The following LGALS8 variants were observed in gnomAD, a reference collection of about 807,000 sequenced individuals.
LGALS8 encodes galectin-8.
In LGALS8, 30 loss-of-function variants were observed where a neutral mutation model predicts 35.9. The ratio of observed to expected loss-of-function variants is 0.83; its 90% CI spans 0.62 to 1.13. The LOEUF is 1.13. Ranked by LOEUF, LGALS8 falls within the 50% of genes most tolerant of loss-of-function variation. The pLI, the probability that LGALS8 is intolerant of heterozygous loss-of-function variation, is 0.00. For synonymous variants in LGALS8, 138 were observed against 136.1 expected, an observed-to-expected ratio of 1.01 and a Z score of -0.10; for missense variants, 366 against 388.7, an observed-to-expected ratio of 0.94 and a Z score of 0.49.
At chr1:236,542,481 T>A in intron 6 of LGALS8, 2 of 490,962 alleles carry the variant, frequency 4.1e-6, no homozygotes, top group Non-Finnish European at 7.3e-6. Context: ...CCCTGTCTCT[T>A]AAAAAAATTT....
chr1:236,538,169 TTA>T (rs999464494), intron 3 of LGALS8, among the ~76,000 whole-genome samples: 3 of 151,516 alleles, frequency 2.0e-5, no homozygotes, highest in African/African-American at 7.3e-5. Context: ...CAGTCTAGTT[TTA>T]GTCTGACATT....
chr1:236,540,528 G>A (rs771881719), intron 4 of LGALS8, 36 bp from the exon 5 acceptor site: 19 of 1,437,748 alleles, frequency 1.3e-5, no homozygotes, highest in Non-Finnish European at 1.7e-5. Flanking sequence ...TTTTTTTTTG[G>A]TGGCGGGGGG....
At position 236,549,223 on chromosome 1, in the gene LGALS8, T is replaced by C; in HGVS notation, c.*1062T>C. 2.6e-6 allele frequency: 1 copy of C among 377,768 alleles called. No homozygotes were observed. Among genetic ancestry groups the C allele is most frequent in the East Asian group, 3.7e-5 (1 of 26,676 alleles). The allele number at this position is 377,768 out of a possible 1,614,324, so 23.4% of individuals were successfully genotyped here. On this transcript the variant is annotated 3_prime_UTR_variant, in exon 10 of 10. Transcript: ENST00000366584. ...TCATTAGCAACTGAGATCAAAGCAC[T>C]CTTCCACTTTACGTGATTAAAATCA...
chr1:236,548,065 CAGCCTGGAGTACAAACACAGATTT>C lies in LGALS8; in HGVS notation c.860_883del (p.Ser287_Phe294del). The C allele has an allele frequency of 6.2e-7, 1 of 1,613,354 alleles. No individual in the cohort carries two copies. The highest frequency in any genetic ancestry group is 8.5e-7 in the Non-Finnish European group (1 of 1,179,290). ...TCAAGGTTGCAGTAAATGGCGTACA[CAGCCTGGAGTACAAACACAGATTT>C]AAAGAGCTCAGCAGTATTGACACGC... On this transcript the variant is annotated inframe_deletion, in exon 10 of 10. Coordinates refer to ENST00000366584, the MANE Select transcript of LGALS8 (RefSeq NM_201544.4).
intron 2 of LGALS8, among the ~76,000 whole-genome samples, chr1:236,533,938 G>GCAGCTCCCTCTGACCCTGGATA: frequency 6.6e-6 from 1 of 150,528 alleles, no homozygotes; most frequent in Non-Finnish European, 1.5e-5. Context: ...GACCCTGGAT[G>GCAGCTCCCTCTGACCCTGGATA]CAGCTCCCTC....
intron 1 of LGALS8, among the ~76,000 whole-genome samples, chr1:236,525,265 G>A (rs1049262629): frequency 1.3e-5 from 2 of 151,988 alleles, no homozygotes; most frequent in African/African-American, 4.8e-5. Flanking sequence ...TTACTCTTTC[G>A]CTGTTTTATT....
chr1:236,538,352 C>T (rs960931653), intron 3 of LGALS8, among the ~76,000 whole-genome samples: 1 of 152,206 alleles, frequency 6.6e-6, no homozygotes, highest in Non-Finnish European at 1.5e-5. Flanking sequence ...TTTCAGTTAA[C>T]TCCTTCAAGT....
In LGALS8 at chr1:236,552,848, T is replaced by C. The variant is rs1662815649; in HGVS notation, c.*4687T>C. 1 of 152,232 alleles carries C rather than the reference T, an allele frequency of 6.6e-6. No individual in the cohort carries two copies. The highest frequency in any genetic ancestry group is 6.5e-5 in the Admixed American group (1 of 15,282). The allele number at this position is 152,232 out of a possible 1,614,324, so 9.4% of individuals were successfully genotyped here. ...CAGGATTTCCTTGATTTGTGCAAAGTAAAATATTACAATAAATTTGATACT... is the reference window on the plus strand; with the variant it reads ...CAGGATTTCCTTGATTTGTGCAAAGCAAAATATTACAATAAATTTGATACT... On this transcript the variant is annotated 3_prime_UTR_variant, in exon 10 of 10. Coordinates refer to ENST00000366584, the MANE Select transcript of LGALS8 (RefSeq NM_201544.4).
intron 2 of LGALS8, among the ~76,000 whole-genome samples, chr1:236,534,883 A>ACC (rs1661372117): frequency 6.6e-6 from 1 of 152,024 alleles, no homozygotes; most frequent in African/African-American, 2.4e-5. Context: ...CAACATGGCA[A>ACC]AACCCCATCT....
chr1:236,544,753 T>C lies in LGALS8; in HGVS notation c.642T>C (p.Phe214=). Residue 214 remains phenylalanine (F), a synonymous_variant, in exon 9 of 10, where the codon TTT becomes TTC. Transcript: ENST00000366584. ...TTTTTTCTTTCTTTCTCAAAAGCTT[T>C]AATGTTGACCTACTAGCAGGAAAAT... ...KGEVNANAKS[F]NVDLLAGKSK... 1.3e-6 allele frequency: 2 copies of C among 1,592,338 alleles called. No individual in the cohort carries two copies. The highest frequency in any genetic ancestry group is 1.7e-6 in the Non-Finnish European group (2 of 1,171,768).
Position 236,526,035 on chromosome 1 carries a change from C to T in LGALS8, c.-36C>T. 6.3e-7 allele frequency: 1 copy of T among 1,584,888 alleles called. No individual in the cohort carries two copies. The highest frequency in any genetic ancestry group is 8.7e-7 in the Non-Finnish European group (1 of 1,154,014). On this transcript the variant is annotated 5_prime_UTR_variant, in exon 2 of 10. Transcript: ENST00000366584. The surrounding 1 kb of genome is among the most constrained non-coding windows in gnomAD (Gnocchi z 4.6). ...CTTGCCTAAAATCTTAGGTCATACACAGAAGAGACTCCAATCGACAAGAAG... is the reference window on the plus strand; with the variant it reads ...CTTGCCTAAAATCTTAGGTCATACATAGAAGAGACTCCAATCGACAAGAAG...
At chr1:236,520,809 A>G (rs1050076916), upstream of LGALS8, among the ~76,000 whole-genome samples, 1 of 152,008 alleles carries the variant, frequency 6.6e-6, no homozygotes, top group Admixed American at 6.6e-5. Context: ...TTCTTCCCTC[A>G]TGCTTCAGCC....
Position 236,550,116 on chromosome 1 carries a change from T to TG in LGALS8, c.*1956dup, listed in dbSNP as rs1463820958. On this transcript the variant is annotated 3_prime_UTR_variant, in exon 10 of 10. Coordinates refer to ENST00000366584, the MANE Select transcript of LGALS8 (RefSeq NM_201544.4). ...TAGAGATTAGGGCACTTCAAAGCAT[T>TG]GAAAAAAATCTACTGATACTTACTT... 1 of 152,186 alleles carries TG rather than the reference T, an allele frequency of 6.6e-6. No individual in the cohort carries two copies. The highest frequency in any genetic ancestry group is 2.4e-5 in the African/African-American group (1 of 41,456). 9.4% of individuals were successfully genotyped at this position (152,186 alleles called of 1,614,324 possible). A position where few individuals can be genotyped will look rare whatever the true frequency, so the allele number is the denominator to read the frequency against.
Position 236,548,074 on chromosome 1 carries a change from GTACAAACACAGATT to G in LGALS8, c.870_883del (p.Tyr290Ter). ...CAGTAAATGGCGTACACAGCCTGGA[GTACAAACACAGATT>G]TAAAGAGCTCAGCAGTATTGACACG... On this transcript the variant is annotated frameshift_variant, in exon 10 of 10. Coordinates refer to ENST00000366584, the MANE Select transcript of LGALS8 (RefSeq NM_201544.4). LOFTEE classifies it high-confidence loss of function. 6.2e-7 allele frequency: 1 copy of G among 1,608,894 alleles called. No individual in the cohort carries two copies. Among genetic ancestry groups the G allele is most frequent in the Non-Finnish European group, 8.5e-7 (1 of 1,179,106 alleles).
chr1:236,543,784 G>A (rs1486517264), intron 8 of LGALS8, 136 bp downstream of exon 8: 1 of 696,296 alleles, frequency 1.4e-6, no homozygotes, highest in Non-Finnish European at 2.6e-6. Flanking sequence ...GATTCAAGCA[G>A]GAGGTGGTTA....
rs1325467438 is a variant in LGALS8, at chr1:236,551,168, T to TC, written c.*3009dup. On this transcript the variant is annotated 3_prime_UTR_variant, in exon 10 of 10. Coordinates refer to ENST00000366584, the MANE Select transcript of LGALS8 (RefSeq NM_201544.4). ...GACCGCCTCCCTCCACACCGCTCCT[T>TC]CCGCCTTCATTCCTTGCCCACAGGC... The TC allele has an allele frequency of 9.0e-6, 5 of 558,058 alleles. No homozygotes were observed. The East Asian group carries it at 1.5e-4, about 17-fold the overall frequency. 34.6% of individuals were successfully genotyped at this position (558,058 alleles called of 1,614,324 possible).
intron 9 of LGALS8, 95 bp downstream of exon 9, chr1:236,545,010 T>C (rs1314981573): frequency 4.2e-6 from 4 of 945,552 alleles, no homozygotes; most frequent in Non-Finnish European, 6.3e-6. Context: ...TAACTCAGTA[T>C]GTGGAAGTTG....
At chr1:236,536,519 C>CAA (rs1185380834) in intron 2 of LGALS8, 2 of 152,310 alleles carry the variant, frequency 1.3e-5, no homozygotes, top group Non-Finnish European at 2.9e-5. Context: ...AGCCAGCTGT[C>CAA]AGAGTCCACG....
intron 4 of LGALS8, 199 bp from the exon 5 acceptor site, chr1:236,540,365 A>G: frequency 2.1e-6 from 1 of 481,638 alleles, no homozygotes; most frequent in Non-Finnish European, 3.6e-6. Context: ...TGCTTAATCA[A>G]ATCAGGAACT....
Sources: gnomAD v4.1 joint callset for allele counts (sites outside exome capture counted in the v4.1 genomes callset) on GRCh38, gnomAD v4.1.1 for gene constraint, Gnocchi (gnomAD v3.1) non-coding constraint, MANE v1.5 for transcripts, NCBI Gene and HGNC (gene_info 2026-07-23, HGNC 2026-07-21) for gene names.